Variants in PTPRM observed in about 807,000 individuals in gnomAD.
PTPRM encodes the protein receptor-type tyrosine-protein phosphatase mu.
Under a neutral mutation model 186.7 loss-of-function variants are expected in PTPRM, and 47 were observed. That is an observed-to-expected ratio of 0.25 (90% CI 0.20 to 0.32). PTPRM has a LOEUF of 0.32. Among genes scored for constraint, PTPRM ranks in the 10% least tolerant of loss-of-function variants. PTPRM has a pLI of 1.00. For synonymous variants in PTPRM, 668 were observed against 674.9 expected, an observed-to-expected ratio of 0.99 and a Z score of 0.16; for missense variants, 1,494 against 1,865.0, an observed-to-expected ratio of 0.80 and a Z score of 3.66.
intron 4 of PTPRM, among the ~76,000 whole-genome samples, chr18:7,912,532 G>A (rs1269068418): frequency 6.6e-6 from 1 of 152,070 alleles, no homozygotes; most frequent in East Asian, 1.9e-4. Flanking sequence ...TTCTTTTTGA[G>A]ACAGAGTCTC....
intron 13 of PTPRM, among the ~76,000 whole-genome samples, chr18:8,118,923 G>T (rs147823937): frequency 0.012 from 1,731 of 150,430 alleles, 17 homozygotes; most frequent in African/African-American, 0.026. Flanking sequence ...CTTCTTCCAG[G>T]GTGGCCCAGG....
At position 8,158,614 on chromosome 18, in the gene PTPRM, G is replaced by T. The variant is rs577421573; in HGVS notation, c.2300+14835G>T. On this transcript the variant is annotated intron_variant, in intron 14 of 32. Coordinates refer to ENST00000580170, the MANE Select transcript of PTPRM (RefSeq NM_001105244.2). ...TTGGGCAATGTATTAGTCCATTTTTGTGTTACTATAAACGAATACCTGAGA... is the reference window on the plus strand; with the variant it reads ...TTGGGCAATGTATTAGTCCATTTTTTTGTTACTATAAACGAATACCTGAGA... 5.9e-5 allele frequency among the ~76,000 whole-genome samples: 9 copies of T among 152,244 alleles called. No individual in the cohort carries two copies. The East Asian group carries it at 1.4e-3, about 23-fold the overall frequency.
At chr18:8,027,837 A>G (rs1052880470) in intron 7 of PTPRM, among the ~76,000 whole-genome samples, 4 of 152,210 alleles carry the variant, frequency 2.6e-5, no homozygotes, top group Non-Finnish European at 1.5e-5. Flanking sequence ...AGTAGAATTT[A>G]TCACTGGGTC....
chr18:7,892,967 A>G (rs2049158224), intron 3 of PTPRM, among the ~76,000 whole-genome samples: 1 of 152,180 alleles, frequency 6.6e-6, no homozygotes. Flanking sequence ...TTTTGGGATT[A>G]GGGTTTCAGC....
At chr18:7,995,762 C>T (rs888970884) in intron 7 of PTPRM, 3 of 152,088 alleles carry the variant, frequency 2.0e-5, no homozygotes, top group Admixed American at 6.6e-5. Flanking sequence ...GAGAGTAAGA[C>T]GGAGAGCATG....
At chr18:8,332,195 C>T (rs997409898) in intron 22 of PTPRM, among the ~76,000 whole-genome samples, 24 of 152,086 alleles carry the variant, frequency 1.6e-4, no homozygotes, top group Admixed American at 3.3e-4. Context: ...TGTTTTTAAA[C>T]ATTTCATAAT....
intron 1 of PTPRM, among the ~76,000 whole-genome samples, chr18:7,602,218 T>C (rs2037420018): frequency 2.0e-5 from 3 of 152,180 alleles, no homozygotes; most frequent in Admixed American, 1.3e-4. Flanking sequence ...TTGGTGTAGT[T>C]GTTTCTACCA....
chr18:8,303,804 G>A (rs549462763), intron 20 of PTPRM, among the ~76,000 whole-genome samples: 6 of 152,196 alleles, frequency 3.9e-5, no homozygotes, highest in East Asian at 3.9e-4. Flanking sequence ...GCTGGGAACC[G>A]GGTGGAAACA....
At chr18:7,873,291 G>A (rs1205662667) in intron 2 of PTPRM, among the ~76,000 whole-genome samples, 4 of 151,514 alleles carry the variant, frequency 2.6e-5, no homozygotes. Flanking sequence ...ACTTTTTTTT[G>A]TTCTCTTTTT....
intron 14 of PTPRM, among the ~76,000 whole-genome samples, chr18:8,240,286 T>C (rs932393406): frequency 8.6e-5 from 13 of 151,946 alleles, no homozygotes; most frequent in Admixed American, 8.5e-4. Context: ...ACTTTATGGC[T>C]CTTTTGGGTA....
intron 1 of PTPRM, among the ~76,000 whole-genome samples, chr18:7,748,363 C>G (rs1225956092): frequency 6.6e-6 from 1 of 152,208 alleles, no homozygotes; most frequent in Non-Finnish European, 1.5e-5. Context: ...GAAGTGCTTG[C>G]ACAGCACCTG....
intron 24 of PTPRM, among the ~76,000 whole-genome samples, chr18:8,374,691 T>G (rs1350819806): frequency 6.6e-6 from 1 of 152,258 alleles, no homozygotes; most frequent in East Asian, 1.9e-4. Context: ...GCTTAATTCC[T>G]TATAGCTTAA....
intron 1 of PTPRM, among the ~76,000 whole-genome samples, chr18:7,691,069 CTAAG>C (rs2039721650): frequency 6.6e-6 from 1 of 151,884 alleles, no homozygotes; most frequent in Non-Finnish European, 1.5e-5. Flanking sequence ...CACATCTCGA[CTAAG>C]TAATTTTTAA....
intron 7 of PTPRM, among the ~76,000 whole-genome samples, chr18:7,988,013 CAAAAAAA>C (rs57611700): frequency 1.5e-4 from 17 of 112,390 alleles, no homozygotes; most frequent in East Asian, 6.3e-4. Flanking sequence ...CCTGTGTCTA[CAAAAAAA>C]AAAAAAAAAA....
rs137909056 is a variant in PTPRM at position 7,898,907 on chromosome 18, G to A, written c.469-7598G>A. ...CTGAACTACTTCTATAGGAAATATG[G>A]GGTTAGGTTCCTGTGAGCCTTTGGT... On this transcript the variant is annotated intron_variant, in intron 3 of 32. Coordinates refer to ENST00000580170, the MANE Select transcript of PTPRM (RefSeq NM_001105244.2). Among the ~76,000 whole-genome samples, 27 of 152,230 alleles carry A rather than the reference G, an allele frequency of 1.8e-4. No homozygotes were observed. The East Asian group carries it at 5.2e-3, about 29-fold the overall frequency.
chr18:7,617,186 A>G (rs992655789), intron 1 of PTPRM, among the ~76,000 whole-genome samples: 6 of 152,166 alleles, frequency 3.9e-5, no homozygotes, highest in Non-Finnish European at 7.3e-5. Flanking sequence ...AAGTGCCGAG[A>G]TCATTATTCT....
At chr18:7,752,739 G>C (rs1446078139) in intron 1 of PTPRM, among the ~76,000 whole-genome samples, 1 of 152,054 alleles carries the variant, frequency 6.6e-6, no homozygotes, top group South Asian at 2.1e-4. Flanking sequence ...ACCGTGCCTG[G>C]CCAATTTTAG....
At chr18:7,849,668 A>G (rs1448166164) in intron 2 of PTPRM, among the ~76,000 whole-genome samples, 2 of 152,194 alleles carry the variant, frequency 1.3e-5, no homozygotes, top group Admixed American at 1.3e-4. Context: ...GAAATACTTT[A>G]AAATAATAAG....
intron 1 of PTPRM, among the ~76,000 whole-genome samples, chr18:7,759,383 T>G (rs8099600): frequency 0.17 from 25,118 of 152,164 alleles, 4,764 homozygotes; most frequent in African/African-American, 0.47. Context: ...TGACACTTTG[T>G]TTAACTTATC....
Sources: gnomAD v4.1 joint callset for allele counts (sites outside exome capture counted in the v4.1 genomes callset) on GRCh38, gnomAD v4.1.1 for gene constraint, MANE v1.5 for transcripts, NCBI Gene and HGNC (gene_info 2026-07-23, HGNC 2026-07-21) for gene names.